The following SNRPN variants were observed in gnomAD, a reference collection of about 807,000 sequenced individuals.
SNRPN encodes small nuclear ribonucleoprotein polypeptide N.
A neutral mutation model predicts 25.2 loss-of-function variants in SNRPN; 7 were observed. That is an observed-to-expected ratio of 0.28 (90% CI 0.16 to 0.52). The LOEUF is 0.52. Among genes scored for constraint, SNRPN ranks in the 20% least tolerant of loss-of-function variants. The pLI, the probability that SNRPN is intolerant of heterozygous loss-of-function variation, is 0.96. For synonymous variants in SNRPN, 124 were observed against 110.6 expected, an observed-to-expected ratio of 1.12 and a Z score of -0.76; for missense variants, 196 against 322.5, an observed-to-expected ratio of 0.61 and a Z score of 3.00.
chr15:24,825,588 T>A (rs569650490), intron 1 of SNRPN, among the ~76,000 whole-genome samples: 1 of 152,048 alleles, frequency 6.6e-6, no homozygotes, highest in Admixed American at 6.6e-5. Flanking sequence ...AATTGAAATA[T>A]CATAAATTGA....
intron 1 of SNRPN, among the ~76,000 whole-genome samples, chr15:24,883,740 A>C (rs1428681303): frequency 6.6e-6 from 1 of 152,100 alleles, no homozygotes; most frequent in Non-Finnish European, 1.5e-5. Context: ...AGCTGGGCAC[A>C]GTGGCTCATG....
chr15:24,934,247 G>A (rs771581808), intron 3 of SNRPN, among the ~76,000 whole-genome samples: 3 of 152,030 alleles, frequency 2.0e-5, no homozygotes, highest in Admixed American at 6.6e-5. Context: ...GCAGTGAGCC[G>A]AGATCATGCC....
chr15:24,954,758 A>G (rs576197273), upstream of SNRPN, among the ~76,000 whole-genome samples: 2 of 152,348 alleles, frequency 1.3e-5, no homozygotes, highest in East Asian at 3.9e-4. Context: ...AGACATGTCC[A>G]TTGATCCCAG....
chr15:24,876,640 T>C lies in SNRPN; in HGVS notation c.-578-9876T>C, dbSNP rs543995787. On this transcript the variant is annotated intron_variant, in intron 1 of 11. Transcript: ENST00000400097. ...TCAAAAAAAAAAAAAAAAAAGATGC[T>C]GTAGTAGGAAATGTGCATTACTCTG... Among the ~76,000 whole-genome samples, 68 of 146,808 alleles carry C rather than the reference T, an allele frequency of 4.6e-4. 1 individual carries two copies. The highest frequency in any genetic ancestry group is 3.6e-3 in the Middle Eastern group (1 of 278).
intron 2 of SNRPN, among the ~76,000 whole-genome samples, chr15:24,889,387 C>G (rs891639941): frequency 1.7e-4 from 25 of 151,450 alleles, no homozygotes; most frequent in African/African-American, 6.1e-4. Flanking sequence ...ACTGCAAGCT[C>G]CGCCTCCCGG....
Position 24,978,418 on chromosome 15 carries a change from C to A in SNRPN, c.697C>A (p.Pro233Thr). Residue 233 changes from proline to threonine, a missense_variant, in exon 10 of 10, where the codon CCA becomes ACA. Coordinates refer to ENST00000390687, the MANE Select transcript of SNRPN (RefSeq NM_003097.6). ...PPPGIRGPPP[P>T]GMRPPRP is the part of the protein sequence containing the mutation. ...TATTTCCTTTCCAGGTCCACCTCCC[C>A]CAGGAATGCGTCCACCAAGACCTTA... is the stretch of plus-strand genomic sequence containing the variant. The A allele has an allele frequency of 6.2e-7, 1 of 1,613,902 alleles. No individual in the cohort carries two copies. Among genetic ancestry groups the A allele is most frequent in the Non-Finnish European group, 8.5e-7 (1 of 1,179,964 alleles).
chr15:24,829,203 A>T (rs1163467124), intron 1 of SNRPN, among the ~76,000 whole-genome samples: 1 of 152,114 alleles, frequency 6.6e-6, no homozygotes, highest in Non-Finnish European at 1.5e-5. Context: ...AAATTCTCAG[A>T]TGTTAAAGGC....
chr15:24,865,863 T>A (rs1257664037), intron 1 of SNRPN, among the ~76,000 whole-genome samples: 1 of 152,140 alleles, frequency 6.6e-6, no homozygotes, highest in African/African-American at 2.4e-5. Flanking sequence ...CCACTTCCTG[T>A]CCCATCATGA....
chr15:24,878,897 C>A (rs1318936493), intron 1 of SNRPN, among the ~76,000 whole-genome samples: 1 of 151,878 alleles, frequency 6.6e-6, no homozygotes, highest in East Asian at 1.9e-4. Context: ...CACTAATATA[C>A]CTTTAATATG....
At position 24,976,366 on chromosome 15, in the gene SNRPN, C is replaced by T. The variant is rs1298673972; in HGVS notation, c.217C>T (p.Arg73Cys). 1.9e-6 allele frequency: 3 copies of T among 1,613,106 alleles called. No individual in the cohort carries two copies. The highest frequency in any genetic ancestry group is 1.3e-5 in the African/African-American group (1 of 74,860). ...EKRVLGLVLL[R>C]GENLVSMTVE... ...GCGGGTTTTGGGTCTGGTGTTGCTG[C>T]GTGGGGAGAACTTGGTATCCATGAC... The change falls in exon 6 of 10, where the codon CGT becomes TGT. Residue 73 changes from arginine (R) to cysteine (C), a missense_variant. Physicochemically the swap from Arg to Cys is radical, Grantham distance 180. Coordinates refer to ENST00000390687, the MANE Select transcript of SNRPN (RefSeq NM_003097.6).
chr15:24,955,069 T>C lies in SNRPN; in HGVS notation c.-391+7T>C. ...ACGCGATGGAGCGGGCAAGGTCAGC[T>C]GTGCCGGTGGCTTCTCTCAAGAGAC... On this transcript the variant is annotated splice_region_variant and intron_variant, in intron 1 of 9. Transcript: ENST00000390687. 1.2e-6 allele frequency: 2 copies of C among 1,613,570 alleles called. No individual in the cohort carries two copies. The highest frequency in any genetic ancestry group is 1.7e-6 in the Non-Finnish European group (2 of 1,180,016).
At chr15:24,922,890 C>CTTTTTTTTTTTTTTT (rs71412618) in intron 3 of SNRPN, among the ~76,000 whole-genome samples, 2 of 68,170 alleles carry the variant, frequency 2.9e-5, no homozygotes, top group African/African-American at 1.2e-4. Context: ...TAGGCAGATC[C>CTTTTTTTTTTTTTTT]TTTTTTTTTT....
At chr15:24,893,680 C>A (rs142024342) in intron 2 of SNRPN, among the ~76,000 whole-genome samples, 1 of 142,084 alleles carries the variant, frequency 7.0e-6, no homozygotes, top group Non-Finnish European at 1.5e-5. Context: ...GGTAAATATT[C>A]CTGATAGTAC....
intron 2 of SNRPN, among the ~76,000 whole-genome samples, chr15:24,888,794 A>C (rs1281177493): frequency 6.6e-6 from 1 of 152,236 alleles, no homozygotes; most frequent in African/African-American, 2.4e-5. Flanking sequence ...AACGTACTGC[A>C]ATCAATGTAG....
At chr15:24,855,894 C>A (rs1388928760), upstream of SNRPN, among the ~76,000 whole-genome samples, 1 of 151,470 alleles carries the variant, frequency 6.6e-6, no homozygotes, top group Non-Finnish European at 1.5e-5. Flanking sequence ...GGTCTAAGAT[C>A]CACCTAGGAA....
At chr15:24,855,493 G>A (rs996939244), upstream of SNRPN, among the ~76,000 whole-genome samples, 4 of 152,074 alleles carry the variant, frequency 2.6e-5, no homozygotes, top group African/African-American at 9.7e-5. Flanking sequence ...ACCGGATTAA[G>A]AAATGTTACT....
chr15:24,825,262 C>T (rs1307991621), intron 1 of SNRPN, among the ~76,000 whole-genome samples: 1 of 149,850 alleles, frequency 6.7e-6, no homozygotes, highest in East Asian at 2.0e-4. Flanking sequence ...GTATTATGAC[C>T]TCGCGCCATT....
chr15:24,923,633 A>C (rs2060168956), intron 3 of SNRPN, among the ~76,000 whole-genome samples: 1 of 152,248 alleles, frequency 6.6e-6, no homozygotes, highest in African/African-American at 2.4e-5. Flanking sequence ...TAAATAAAAA[A>C]TAATGAACTG....
intron 2 of SNRPN, among the ~76,000 whole-genome samples, chr15:24,839,802 G>A (rs2051529974): frequency 1.3e-5 from 2 of 152,172 alleles, no homozygotes; most frequent in Non-Finnish European, 2.9e-5. Context: ...CACACCCAGT[G>A]GTTCTCTTGG....
Sources: allele counts gnomAD v4.1 joint callset (sites outside exome capture counted in the v4.1 genomes callset), GRCh38; gene constraint gnomAD v4.1.1; transcripts MANE v1.5; gene names NCBI Gene and HGNC (gene_info 2026-07-23, HGNC 2026-07-21).